The following COX10 variants were observed in gnomAD, a reference collection of about 807,000 sequenced individuals.
COX10 encodes protoheme IX farnesyltransferase, mitochondrial.
COX10 carries 27 observed loss-of-function variants against 37.3 expected under a neutral mutation model. The observed-to-expected ratio is 0.72, with a 90% CI of 0.53 to 1.00. COX10 has a LOEUF of 1.00. COX10 is among the 50% of genes least tolerant of loss of function. The probability of loss-of-function intolerance (pLI) is 0.00; values close to 1 mark genes in which losing one functional copy is unlikely to be tolerated. For missense variants in COX10, 475 were observed against 563.2 expected, an observed-to-expected ratio of 0.84 and a Z score of 1.59; for synonymous variants, 222 against 229.1, an observed-to-expected ratio of 0.97 and a Z score of 0.28.
At chr17:14,166,277 G>A (rs1051932795) in intron 5 of COX10, among the ~76,000 whole-genome samples, 1 of 152,194 alleles carries the variant, frequency 6.6e-6, no homozygotes, top group Non-Finnish European at 1.5e-5. Flanking sequence ...TCTCATTAGA[G>A]GCTAAGACTG....
chr17:14,205,668 G>T (rs1481093275), intron 6 of COX10, among the ~76,000 whole-genome samples: 1 of 152,186 alleles, frequency 6.6e-6, no homozygotes, highest in Non-Finnish European at 1.5e-5. Flanking sequence ...CTGTCCTTAG[G>T]TGGCTTCGTG....
At chr17:14,084,092 C>G in intron 3 of COX10, among the ~76,000 whole-genome samples, 1 of 152,016 alleles carries the variant, frequency 6.6e-6, no homozygotes, top group Admixed American at 6.6e-5. Context: ...AAGAAAAAAG[C>G]AGAAATGGAG....
At chr17:14,152,805 C>T (rs1904942170) in intron 4 of COX10, among the ~76,000 whole-genome samples, 1 of 152,152 alleles carries the variant, frequency 6.6e-6, no homozygotes, top group African/African-American at 2.4e-5. Flanking sequence ...CACCAAGGAG[C>T]AGCACACATA....
intron 4 of COX10, among the ~76,000 whole-genome samples, chr17:14,151,172 A>T (rs1904881812): frequency 6.6e-6 from 1 of 152,206 alleles, no homozygotes; most frequent in Non-Finnish European, 1.5e-5. Context: ...TGTTTAGGAA[A>T]TGTGGTTTAA....
chr17:14,125,664 A>T (rs1305000402), intron 4 of COX10, among the ~76,000 whole-genome samples: 1 of 152,126 alleles, frequency 6.6e-6, no homozygotes, highest in Non-Finnish European at 1.5e-5. Context: ...AGAGGACTTC[A>T]CGGCTAATGT....
chr17:14,109,003 A>G (rs1320653338), intron 4 of COX10, among the ~76,000 whole-genome samples: 2 of 152,182 alleles, frequency 1.3e-5, no homozygotes, highest in Admixed American at 6.5e-5. Context: ...ATTGAACATC[A>G]TACATATAAG....
intron 5 of COX10, among the ~76,000 whole-genome samples, chr17:14,190,499 A>G (rs1429407900): frequency 6.6e-6 from 1 of 152,212 alleles, no homozygotes; most frequent in Non-Finnish European, 1.5e-5. Context: ...CTTCTGTCAC[A>G]AGCACCTTGA....
intron 4 of COX10, among the ~76,000 whole-genome samples, chr17:14,140,192 A>G (rs948686382): frequency 4.6e-5 from 7 of 152,148 alleles, no homozygotes; most frequent in South Asian, 2.1e-4. Context: ...ATCTATCTAT[A>G]CTTATTATTT....
intron 2 of COX10, among the ~76,000 whole-genome samples, chr17:14,074,707 T>C (rs149438557): frequency 2.0e-5 from 3 of 152,338 alleles, no homozygotes; most frequent in African/African-American, 7.2e-5. Context: ...TGAAAACTTG[T>C]GGCATATTTC....
At chr17:14,088,928 C>T (rs949311719) in intron 3 of COX10, among the ~76,000 whole-genome samples, 2 of 152,130 alleles carry the variant, frequency 1.3e-5, no homozygotes, top group Non-Finnish European at 2.9e-5. Flanking sequence ...AGGCAGAAAC[C>T]TCCTTATAAG....
At chr17:14,184,458 G>A (rs1158412653) in intron 5 of COX10, among the ~76,000 whole-genome samples, 1 of 152,154 alleles carries the variant, frequency 6.6e-6, no homozygotes, top group East Asian at 1.9e-4. Flanking sequence ...CCAACAGATG[G>A]AATAGTAGAG....
intron 4 of COX10, among the ~76,000 whole-genome samples, chr17:14,105,210 G>C (rs1165106051): frequency 6.6e-6 from 1 of 152,166 alleles, no homozygotes; most frequent in Non-Finnish European, 1.5e-5. Flanking sequence ...CAGTCAGTGT[G>C]TATGTCAGTA....
At chr17:14,090,734 T>C (rs925587369) in intron 3 of COX10, among the ~76,000 whole-genome samples, 18 of 152,208 alleles carry the variant, frequency 1.2e-4, no homozygotes, top group Non-Finnish European at 2.5e-4. Flanking sequence ...ACATCACTTT[T>C]GGGAAGTCTT....
At position 14,163,236 on chromosome 17, in the gene COX10, A is replaced by AATTTATTTATTTATTTATTT. The variant is rs56320518; in HGVS notation, c.695+3307_695+3326dup. ...ATAGAAGCATGGCATAAGACAGGAA[A>AATTTATTTATTTATTTATTT]ATTTATTTATTTATTTATTTATTTA... is the stretch of plus-strand genomic sequence containing the variant. On this transcript the variant is annotated intron_variant, in intron 5 of 6. Transcript: ENST00000261643. Among the ~76,000 whole-genome samples the AATTTATTTATTTATTTATTT allele has an allele frequency of 7.2e-3, 1,050 of 146,544 alleles. 10 individuals are homozygous for AATTTATTTATTTATTTATTT. Among genetic ancestry groups the AATTTATTTATTTATTTATTT allele is most frequent in the East Asian group, 0.024 (121 of 4,964 alleles).
intron 4 of COX10, among the ~76,000 whole-genome samples, chr17:14,105,645 T>A (rs1412147025): frequency 6.6e-6 from 1 of 152,170 alleles, no homozygotes; most frequent in Non-Finnish European, 1.5e-5. Context: ...ATGCAAATAA[T>A]GTTTTCATTG....
At chr17:14,174,637 C>T (rs749828425) in intron 5 of COX10, among the ~76,000 whole-genome samples, 1 of 152,024 alleles carries the variant, frequency 6.6e-6, no homozygotes, top group Non-Finnish European at 1.5e-5. Flanking sequence ...TTAAAAACAA[C>T]AATACAGTGC....
intron 6 of COX10, among the ~76,000 whole-genome samples, chr17:14,193,663 G>A (rs867555307): frequency 3.4e-5 from 5 of 146,386 alleles, no homozygotes; most frequent in African/African-American, 7.4e-5. Context: ...TGACATCTGC[G>A]TGTTCATCCT....
intron 3 of COX10, among the ~76,000 whole-genome samples, chr17:14,088,632 T>C (rs140668475): frequency 6.6e-6 from 1 of 152,216 alleles, no homozygotes; most frequent in Non-Finnish European, 1.5e-5. Flanking sequence ...ATTGAGAACT[T>C]TAAAGAAGAA....
intron 4 of COX10, among the ~76,000 whole-genome samples, chr17:14,141,529 CAAAAAAAAAA>C (rs71147842): frequency 5.6e-4 from 38 of 67,510 alleles, no homozygotes; most frequent in African/African-American, 2.2e-3. Flanking sequence ...GTCCCTGTCT[CAAAAAAAAAA>C]AAAAAAAAAA....
Sources: gnomAD v4.1 joint callset for allele counts (sites outside exome capture counted in the v4.1 genomes callset) on GRCh38, gnomAD v4.1.1 for gene constraint, MANE v1.5 for transcripts, NCBI Gene and HGNC (gene_info 2026-07-23, HGNC 2026-07-21) for gene names.